CRIM1: variants seen among roughly 807,000 people sequenced by gnomAD.
CRIM1 encodes cysteine rich transmembrane BMP regulator 1.
Under a neutral mutation model 116.4 loss-of-function variants are expected in CRIM1, and 32 were observed. That is an observed-to-expected ratio of 0.27 (90% CI 0.21 to 0.37). The LOEUF (loss-of-function observed/expected upper bound fraction) is 0.37, where lower values mean the gene tolerates loss of function less well. CRIM1 is among the 10% of genes least tolerant of loss of function. The pLI, the probability that CRIM1 is intolerant of heterozygous loss-of-function variation, is 1.00. For synonymous variants in CRIM1, 590 were observed against 509.2 expected, an observed-to-expected ratio of 1.16 and a Z score of -2.13; for missense variants, 1,331 against 1,354.8, an observed-to-expected ratio of 0.98 and a Z score of 0.28.
chr2:36,442,971 G>A (rs546840456), intron 4 of CRIM1, among the ~76,000 whole-genome samples: 6 of 152,140 alleles, frequency 3.9e-5, no homozygotes, highest in African/African-American at 1.2e-4. Flanking sequence ...AAGGGTGCCT[G>A]TACACTTTTG....
chr2:36,401,663 G>C (rs1267960985), intron 2 of CRIM1, among the ~76,000 whole-genome samples: 1 of 152,198 alleles, frequency 6.6e-6, no homozygotes, highest in Non-Finnish European at 1.5e-5. Flanking sequence ...CAGTGAATAA[G>C]TTGAACTTTT....
intron 4 of CRIM1, among the ~76,000 whole-genome samples, chr2:36,460,855 G>A (rs1479240049): frequency 6.6e-6 from 1 of 152,168 alleles, no homozygotes; most frequent in African/African-American, 2.4e-5. Context: ...TGGTGTTTGG[G>A]GGTTCAGAGA....
At chr2:36,388,735 G>A (rs1289361346) in intron 1 of CRIM1, among the ~76,000 whole-genome samples, 1 of 150,740 alleles carries the variant, frequency 6.6e-6, no homozygotes, top group Non-Finnish European at 1.5e-5. Context: ...GTGTCCCGTA[G>A]CCCCAATTTC....
chr2:36,356,764 A>G lies in CRIM1; in HGVS notation c.331+141A>G. On this transcript the variant is annotated intron_variant, in intron 1 of 16. Transcript: ENST00000280527. The surrounding 1 kb of genome is among the most constrained non-coding windows in gnomAD (Gnocchi z 4.3). ...GAGGGGCGGCCGCCGCCCCCAGGAG[A>G]GTGCCCCCGCGGCCCTGCGTTCCCT... is the stretch of plus-strand genomic sequence containing the variant. 6.3e-6 allele frequency: 5 copies of G among 793,866 alleles called. No individual in the cohort carries two copies. In the South Asian group the frequency reaches 7.3e-5, roughly 12 times the overall value. The allele number at this position is 793,866 out of a possible 1,614,324, so 49.2% of individuals were successfully genotyped here.
chr2:36,373,613 A>G (rs924170679), intron 1 of CRIM1, among the ~76,000 whole-genome samples: 2 of 152,196 alleles, frequency 1.3e-5, no homozygotes, highest in African/African-American at 4.8e-5. Context: ...AAATGAAGTC[A>G]TCATTTGCGG....
intron 2 of CRIM1, among the ~76,000 whole-genome samples, chr2:36,415,864 G>A (rs930520663): frequency 3.3e-4 from 50 of 152,118 alleles, no homozygotes; most frequent in African/African-American, 9.4e-4. Context: ...AAGCAGGGAC[G>A]GTGCCTGGCA....
At chr2:36,452,875 C>T (rs1213034032) in intron 4 of CRIM1, among the ~76,000 whole-genome samples, 1 of 152,056 alleles carries the variant, frequency 6.6e-6, no homozygotes, top group African/African-American at 2.4e-5. Flanking sequence ...AACTGAATTC[C>T]GTAAGCCTTT....
intron 3 of CRIM1, among the ~76,000 whole-genome samples, 198 bp from the exon 4 acceptor site, chr2:36,442,417 C>G (rs1675918081): frequency 6.6e-6 from 1 of 152,104 alleles, no homozygotes; most frequent in African/African-American, 2.4e-5. Context: ...TATCTCATCC[C>G]CACCTCTTTC....
chr2:36,508,295 C>A (rs901545809), intron 8 of CRIM1, among the ~76,000 whole-genome samples: 1 of 152,116 alleles, frequency 6.6e-6, no homozygotes, highest in African/African-American at 2.4e-5. Flanking sequence ...TAAAAGATAG[C>A]AAATTAAATA....
At chr2:36,364,286 A>C (rs913668543) in intron 1 of CRIM1, among the ~76,000 whole-genome samples, 1 of 152,248 alleles carries the variant, frequency 6.6e-6, no homozygotes, top group Non-Finnish European at 1.5e-5. Flanking sequence ...GTACCTATGT[A>C]TACAGCATGT....
chr2:36,503,019 T>A (rs1276036698), intron 8 of CRIM1, among the ~76,000 whole-genome samples: 1 of 152,230 alleles, frequency 6.6e-6, no homozygotes, highest in Admixed American at 6.5e-5. Context: ...ATTTTTCAGG[T>A]TGTCCTATAC....
At chr2:36,481,987 C>G (rs1235107403) in intron 7 of CRIM1, among the ~76,000 whole-genome samples, 1 of 152,220 alleles carries the variant, frequency 6.6e-6, no homozygotes, top group Non-Finnish European at 1.5e-5. Context: ...CACCTACTGT[C>G]TCCTCGCAGT....
chr2:36,431,738 T>C (rs548569033), intron 2 of CRIM1, among the ~76,000 whole-genome samples: 18 of 152,180 alleles, frequency 1.2e-4, no homozygotes, highest in Non-Finnish European at 2.2e-4. Flanking sequence ...GGAACCTGAC[T>C]GCATAGGAAG....
At chr2:36,487,905 C>T (rs1030539263) in intron 7 of CRIM1, among the ~76,000 whole-genome samples, 3 of 152,084 alleles carry the variant, frequency 2.0e-5, no homozygotes, top group African/African-American at 7.2e-5. Flanking sequence ...TCTGAAATTG[C>T]AGGTGTTCTA....
At chr2:36,438,074 G>C (rs1306751106) in intron 2 of CRIM1, among the ~76,000 whole-genome samples, 4 of 150,704 alleles carry the variant, frequency 2.7e-5, no homozygotes, top group African/African-American at 9.8e-5. Context: ...GGAGGTTGCA[G>C]TGAGCTGAGA....
intron 2 of CRIM1, among the ~76,000 whole-genome samples, chr2:36,417,002 C>CA (rs1673669746): frequency 6.6e-6 from 1 of 152,190 alleles, no homozygotes; most frequent in Admixed American, 6.5e-5. Flanking sequence ...GTGGGAAGAG[C>CA]ATCCAGGTCA....
chr2:36,507,520 G>A (rs1198899242), intron 8 of CRIM1, among the ~76,000 whole-genome samples: 1 of 152,114 alleles, frequency 6.6e-6, no homozygotes, highest in Non-Finnish European at 1.5e-5. Context: ...CTAGGGCCTG[G>A]GCCTAGAGCT....
intron 5 of CRIM1, among the ~76,000 whole-genome samples, chr2:36,467,652 A>G (rs995446299): frequency 5.9e-5 from 9 of 152,246 alleles, no homozygotes; most frequent in Non-Finnish European, 1.2e-4. Context: ...GGAGACTCAC[A>G]GCCATAGAAT....
At chr2:36,524,383 A>T (rs1665614416) in intron 13 of CRIM1, among the ~76,000 whole-genome samples, 1 of 152,256 alleles carries the variant, frequency 6.6e-6, no homozygotes, top group African/African-American at 2.4e-5. Flanking sequence ...CTATTCTTTC[A>T]GGCTGGGTAA....
Sources: allele counts gnomAD v4.1 joint callset (sites outside exome capture counted in the v4.1 genomes callset), GRCh38; gene constraint gnomAD v4.1.1; non-coding constraint Gnocchi (gnomAD v3.1); transcripts MANE v1.5; gene names NCBI Gene and HGNC (gene_info 2026-07-23, HGNC 2026-07-21).